The following NAALADL2 variants were observed in gnomAD, a reference collection of about 807,000 sequenced individuals.
NAALADL2 encodes N-acetylated alpha-linked acidic dipeptidase like 2.
In NAALADL2, 76 loss-of-function variants were observed where a neutral mutation model predicts 87.2. The ratio of observed to expected loss-of-function variants is 0.87; its 90% CI spans 0.72 to 1.05. The LOEUF is 1.05. Ranked by LOEUF, NAALADL2 falls within the 50% of genes least tolerant of loss-of-function variation. The pLI is 0.00. For synonymous variants in NAALADL2, 354 were observed against 331.0 expected, an observed-to-expected ratio of 1.07 and a Z score of -0.75; for missense variants, 1,089 against 945.8, an observed-to-expected ratio of 1.15 and a Z score of -1.99.
At chr3:174,687,216 C>T (rs1314181028) in intron 2 of NAALADL2, among the ~76,000 whole-genome samples, 1 of 152,078 alleles carries the variant, frequency 6.6e-6, no homozygotes, top group African/African-American at 2.4e-5. Flanking sequence ...CTTTCTCGAG[C>T]CTTTTGTAAT....
intron 3 of NAALADL2, among the ~76,000 whole-genome samples, chr3:174,835,372 T>C (rs1350805014): frequency 6.6e-6 from 1 of 152,150 alleles, no homozygotes; most frequent in African/African-American, 2.4e-5. Flanking sequence ...GATCAAGGAC[T>C]TAAATATAAT....
At chr3:175,632,178 T>C (rs1034668282) in intron 11 of NAALADL2, among the ~76,000 whole-genome samples, 1 of 151,900 alleles carries the variant, frequency 6.6e-6, no homozygotes, top group Non-Finnish European at 1.5e-5. Flanking sequence ...GATTGAATCA[T>C]GGGGGCAGAC....
At chr3:175,293,190 T>G (rs573714512) in intron 4 of NAALADL2, among the ~76,000 whole-genome samples, 5 of 152,250 alleles carry the variant, frequency 3.3e-5, no homozygotes, top group South Asian at 2.1e-4. Context: ...AACTTATTTA[T>G]GTAAGTAGAC....
intron 2 of NAALADL2, among the ~76,000 whole-genome samples, chr3:174,711,770 T>C (rs1456204388): frequency 6.6e-6 from 1 of 152,210 alleles, no homozygotes. Flanking sequence ...TTTATTATAG[T>C]GCAAGGAACA....
At chr3:174,537,481 C>A (rs568272910) in intron 1 of NAALADL2, among the ~76,000 whole-genome samples, 1 of 152,256 alleles carries the variant, frequency 6.6e-6, no homozygotes, top group Non-Finnish European at 1.5e-5. Context: ...ATTTATTGAG[C>A]ACTATTAAGT....
intron 2 of NAALADL2, among the ~76,000 whole-genome samples, chr3:174,689,436 G>A (rs574179107): frequency 6.6e-6 from 1 of 150,798 alleles, no homozygotes; most frequent in African/African-American, 2.4e-5. Context: ...ACTTCTGCTT[G>A]TCATGGATCA....
chr3:175,783,486 C>G (rs947625994), intron 13 of NAALADL2, among the ~76,000 whole-genome samples: 4 of 151,648 alleles, frequency 2.6e-5, no homozygotes, highest in African/African-American at 9.7e-5. Flanking sequence ...TGGGAGTTCA[C>G]TCATGATTTG....
intron 1 of NAALADL2, among the ~76,000 whole-genome samples, chr3:175,072,744 C>T (rs1034985908): frequency 1.4e-5 from 2 of 148,056 alleles, no homozygotes; most frequent in East Asian, 2.1e-4. Context: ...TGCTAAATGA[C>T]GAGTTAATGG....
intron 1 of NAALADL2, among the ~76,000 whole-genome samples, chr3:174,944,453 A>C (rs2108484615): frequency 6.6e-6 from 1 of 152,264 alleles, no homozygotes; most frequent in African/African-American, 2.4e-5. Context: ...GCTCTGTCTC[A>C]GGGAGGTACA....
At chr3:175,555,316 T>C (rs1467988491) in intron 9 of NAALADL2, among the ~76,000 whole-genome samples, 1 of 152,200 alleles carries the variant, frequency 6.6e-6, no homozygotes, top group Non-Finnish European at 1.5e-5. Context: ...GCAATTCTTA[T>C]TGCTAAAAAC....
chr3:174,691,032 A>G (rs987494198), intron 2 of NAALADL2, among the ~76,000 whole-genome samples: 7 of 152,136 alleles, frequency 4.6e-5, no homozygotes, highest in African/African-American at 1.4e-4. Context: ...ACGCATATAA[A>G]AGTTATGTTA....
Position 175,326,713 on chromosome 3 carries a change from G to A in NAALADL2, c.1090+2388G>A, listed in dbSNP as rs568408655. Among the ~76,000 whole-genome samples the A allele has an allele frequency of 2.6e-5, 4 of 152,290 alleles. No homozygotes were observed. In the South Asian group the frequency reaches 8.3e-4, roughly 32 times the overall value. On this transcript the variant is annotated intron_variant, in intron 5 of 13. Transcript: ENST00000454872. ...TCATCCAGTGGTGGAAGGCATAATG[G>A]TAAGAGAGCATCCATGAGAGCAAGA...
intron 1 of NAALADL2, among the ~76,000 whole-genome samples, chr3:174,861,538 G>A (rs909913355): frequency 3.9e-5 from 6 of 151,950 alleles, no homozygotes; most frequent in Non-Finnish European, 5.9e-5. Context: ...ACTTACAAAC[G>A]GATGTTCTTT....
chr3:174,545,106 T>G (rs1395808853), intron 1 of NAALADL2, among the ~76,000 whole-genome samples: 1 of 152,078 alleles, frequency 6.6e-6, no homozygotes, highest in East Asian at 1.9e-4. Flanking sequence ...CTTGAAATCC[T>G]GGGCTCAAAT....
At chr3:175,522,105 A>G (rs1230573601) in intron 9 of NAALADL2, among the ~76,000 whole-genome samples, 1 of 152,172 alleles carries the variant, frequency 6.6e-6, no homozygotes, top group Non-Finnish European at 1.5e-5. Flanking sequence ...AAAACAGTTG[A>G]TTGAATAATC....
At chr3:175,178,703 G>A (rs959368789) in intron 2 of NAALADL2, among the ~76,000 whole-genome samples, 12 of 152,044 alleles carry the variant, frequency 7.9e-5, no homozygotes, top group African/African-American at 2.9e-4. Context: ...GGAGAAGCCC[G>A]AGAATCTGCA....
intron 11 of NAALADL2, among the ~76,000 whole-genome samples, chr3:175,678,654 C>A (rs541646918): frequency 6.6e-6 from 1 of 152,226 alleles, no homozygotes; most frequent in South Asian, 2.1e-4. Context: ...TGTTCTCAAT[C>A]ATAGGTGGGA....
intron 2 of NAALADL2, among the ~76,000 whole-genome samples, chr3:174,586,069 TTA>T (rs1243958149): frequency 3.3e-5 from 5 of 152,328 alleles, no homozygotes; most frequent in Admixed American, 6.5e-5. Flanking sequence ...AGCAAAATTA[TTA>T]TATGTGTAAA....
At chr3:174,891,606 C>G (rs539642477) in intron 1 of NAALADL2, among the ~76,000 whole-genome samples, 4 of 152,214 alleles carry the variant, frequency 2.6e-5, no homozygotes, top group African/African-American at 9.6e-5. Flanking sequence ...ACATTAAAAC[C>G]GGGCCTTAGC....
Sources: gnomAD v4.1 joint callset for allele counts (sites outside exome capture counted in the v4.1 genomes callset) on GRCh38, gnomAD v4.1.1 for gene constraint, MANE v1.5 for transcripts, NCBI Gene and HGNC (gene_info 2026-07-23, HGNC 2026-07-21) for gene names.